Variants in SLC26A2 observed in about 807,000 individuals in gnomAD.
SLC26A2 encodes sulfate transporter.
SLC26A2 carries 36 observed loss-of-function variants against 41.1 expected under a neutral mutation model. That is an observed-to-expected ratio of 0.88 (90% CI 0.67 to 1.16). SLC26A2 has a LOEUF of 1.16. Among genes scored for constraint, SLC26A2 ranks in the 50% most tolerant of loss-of-function variants. SLC26A2 has a pLI of 0.00. For synonymous variants in SLC26A2, 291 were observed against 311.6 expected (o/e 0.93, Z 0.70); for missense variants, 796 against 869.6 (o/e 0.92, Z 1.07).
At chr5:149,963,426 G>A (rs1441342284) in intron 1 of SLC26A2, among the ~76,000 whole-genome samples, 2 of 151,910 alleles carry the variant, frequency 1.3e-5, no homozygotes, top group East Asian at 3.9e-4. Context: ...CCACAGGCAT[G>A]TGCCACCACG....
chr5:149,981,888 T>C lies in SLC26A2; in HGVS notation c.*75T>C. 8.5e-7 allele frequency: 1 copy of C among 1,169,966 alleles called. No homozygotes were observed. The highest frequency in any genetic ancestry group is 1.2e-6 in the Non-Finnish European group (1 of 806,536). 72.5% of individuals were successfully genotyped at this position (1,169,966 alleles called of 1,614,324 possible). A position where few individuals can be genotyped will look rare whatever the true frequency, so the allele number is the denominator to read the frequency against. On this transcript the variant is annotated 3_prime_UTR_variant, in exon 3 of 3. Coordinates refer to ENST00000286298, the MANE Select transcript of SLC26A2 (RefSeq NM_000112.4). ...TGTCCAACATTTCCCAGTTCCACAG[T>C]GGGAAATTTTGCACACTTGAAATTT...
intron 1 of SLC26A2, among the ~76,000 whole-genome samples, chr5:149,968,645 C>T (rs551466437): frequency 9.7e-4 from 145 of 148,834 alleles, no homozygotes; most frequent in African/African-American, 3.4e-3. Context: ...TGGTCTTGAT[C>T]TCCTGACCTT....
At chr5:149,973,186 T>C (rs1754934680) in intron 1 of SLC26A2, among the ~76,000 whole-genome samples, 1 of 152,116 alleles carries the variant, frequency 6.6e-6, no homozygotes, top group Non-Finnish European at 1.5e-5. Flanking sequence ...CAGAAAATTT[T>C]AAAAAGACTT....
At chr5:149,974,431 A>AT (rs916180499) in intron 1 of SLC26A2, among the ~76,000 whole-genome samples, 43 of 147,404 alleles carry the variant, frequency 2.9e-4, no homozygotes, top group South Asian at 8.6e-4. Context: ...ATATATATGT[A>AT]TTTTTTTTTT....
Position 149,980,602 on chromosome 5 carries a change from CTTGTTG to C in SLC26A2, c.1017_1022del (p.Val340_Val341del), listed in dbSNP as rs121908077. 1.9e-6 allele frequency: 3 copies of C among 1,614,044 alleles called. No homozygotes were observed. The highest frequency in any genetic ancestry group is 2.5e-6 in the Non-Finnish European group (3 of 1,179,966). ...GCTTAAGGCACCGATTCCTATTGAACTTGTTGTTGTTGTAGCAGCCACATTAGCCTC... is the reference window on the plus strand; with the variant it reads ...GCTTAAGGCACCGATTCCTATTGAACTTGTTGTAGCAGCCACATTAGCCTC... On this transcript the variant is annotated inframe_deletion, in exon 3 of 3. Transcript: ENST00000286298.
At chr5:149,973,972 C>G (rs1361375297) in intron 1 of SLC26A2, among the ~76,000 whole-genome samples, 1 of 152,082 alleles carries the variant, frequency 6.6e-6, no homozygotes, top group Non-Finnish European at 1.5e-5. Context: ...AGTAGCAAGA[C>G]CTTGTCTCTA....
intron 2 of SLC26A2, 122 bp downstream of exon 2, chr5:149,978,473 T>C (rs1755036853): frequency 1.1e-6 from 1 of 942,968 alleles, no homozygotes; most frequent in South Asian, 1.4e-5. Context: ...GAGTTCAGGA[T>C]ATATGAAGGG....
chr5:149,972,902 T>C (rs576851422), intron 1 of SLC26A2, among the ~76,000 whole-genome samples: 7 of 152,360 alleles, frequency 4.6e-5, no homozygotes, highest in African/African-American at 1.4e-4. Context: ...TTTATGATTC[T>C]ATTTTATCTC....
At chr5:149,978,718 G>T (rs1462921851) in intron 2 of SLC26A2, among the ~76,000 whole-genome samples, 4 of 151,412 alleles carry the variant, frequency 2.6e-5, no homozygotes, top group South Asian at 2.1e-4. Context: ...TGGAGACAGG[G>T]TCTCACTCTG....
intron 1 of SLC26A2, among the ~76,000 whole-genome samples, chr5:149,970,985 A>G (rs941210536): frequency 1.3e-5 from 2 of 152,154 alleles, no homozygotes; most frequent in African/African-American, 4.8e-5. Context: ...CCAGTACCCA[A>G]CCTCTAGGAG....
chr5:149,982,388 A>G lies in SLC26A2; in HGVS notation c.*575A>G. 6.5e-6 allele frequency: 1 copy of G among 152,954 alleles called. No individual in the cohort carries two copies. Among genetic ancestry groups the G allele is most frequent in the Admixed American group, 6.5e-5 (1 of 15,378 alleles). The allele number at this position is 152,954 out of a possible 1,614,324, so 9.5% of individuals were successfully genotyped here. A position where few individuals can be genotyped will look rare whatever the true frequency, so the allele number is the denominator to read the frequency against. On this transcript the variant is annotated 3_prime_UTR_variant, in exon 3 of 3. Transcript: ENST00000286298. ...AGTGCCATTCCTGTCCTTAAGGCAC[A>G]GTCTCATCAGAAGTCTAATACCTGG...
At position 149,985,564 on chromosome 5, in the gene SLC26A2, G is replaced by T. The variant is rs563681873; in HGVS notation, c.*3751G>T. The T allele has an allele frequency of 6.6e-6, 1 of 152,238 alleles. No individual in the cohort carries two copies. Among genetic ancestry groups the T allele is most frequent in the South Asian group, 2.1e-4 (1 of 4,820 alleles). The allele number at this position is 152,238 out of a possible 1,614,324, so 9.4% of individuals were successfully genotyped here. ...TAAATGACCATAAGTGGTCATTTAA[G>T]AACATGTTAGGGTTAGCCCTGATCT... On this transcript the variant is annotated 3_prime_UTR_variant, in exon 3 of 3. Coordinates refer to ENST00000286298, the MANE Select transcript of SLC26A2 (RefSeq NM_000112.4).
In SLC26A2 at chr5:149,981,247, T is replaced by A. The variant is rs1184727376; in HGVS notation, c.1654T>A (p.Ser552Thr). The change falls in exon 3 of 3, where the codon TCA (serine) becomes ACA (threonine). Residue 552 changes from serine to threonine, a missense_variant. Transcript: ENST00000286298. ...VILRTQKPKSSLLGLVEESEV... is the reference protein window; with the variant it reads ...VILRTQKPKSTLLGLVEESEV... ...CCTCCGCACTCAGAAGCCAAAGAGT[T>A]CACTGCTTGGCTTGGTGGAAGAGTC... 1 of 1,614,032 alleles carries A rather than the reference T, an allele frequency of 6.2e-7. No individual in the cohort carries two copies. Among genetic ancestry groups the A allele is most frequent in the Non-Finnish European group, 8.5e-7 (1 of 1,180,008 alleles).
At chr5:149,963,266 C>T (rs1454269718) in intron 1 of SLC26A2, among the ~76,000 whole-genome samples, 2 of 151,440 alleles carry the variant, frequency 1.3e-5, no homozygotes, top group Non-Finnish European at 1.5e-5. Context: ...CATGCCACCA[C>T]GCCTGGCTAA....
chr5:149,961,813 G>T (rs1171820141), intron 1 of SLC26A2, among the ~76,000 whole-genome samples: 1 of 151,950 alleles, frequency 6.6e-6, no homozygotes, highest in Non-Finnish European at 1.5e-5. Context: ...GAAATGGAGG[G>T]CCAAAGCTGT....
chr5:149,965,305 C>A (rs965673527), intron 1 of SLC26A2, among the ~76,000 whole-genome samples: 2 of 151,900 alleles, frequency 1.3e-5, no homozygotes, highest in Non-Finnish European at 2.9e-5. Flanking sequence ...CATGGTGAAA[C>A]CCTGTCTCTA....
intron 2 of SLC26A2, among the ~76,000 whole-genome samples, chr5:149,979,309 A>T (rs1755052218): frequency 1.3e-5 from 2 of 152,210 alleles, no homozygotes; most frequent in Non-Finnish European, 2.9e-5. Context: ...GGGGAAGAGT[A>T]GCTCACTTTA....
chr5:149,968,231 T>A (rs1754839431), intron 1 of SLC26A2, among the ~76,000 whole-genome samples: 1 of 152,196 alleles, frequency 6.6e-6, no homozygotes, highest in Non-Finnish European at 1.5e-5. Flanking sequence ...TGAACATTAG[T>A]ATACAAATAT....
intron 2 of SLC26A2, among the ~76,000 whole-genome samples, chr5:149,978,798 C>T (rs534724845): frequency 1.3e-5 from 2 of 152,222 alleles, no homozygotes; most frequent in African/African-American, 4.8e-5. Context: ...AGCAGTCCTC[C>T]TACCTCAACC....
Sources: gnomAD v4.1 joint callset for allele counts (sites outside exome capture counted in the v4.1 genomes callset) on GRCh38, gnomAD v4.1.1 for gene constraint, MANE v1.5 for transcripts, NCBI Gene and HGNC (gene_info 2026-07-23, HGNC 2026-07-21) for gene names.